The following MAGI1 variants were observed in gnomAD, a reference collection of about 807,000 sequenced individuals.
MAGI1 encodes membrane associated guanylate kinase, WW and PDZ domain containing 1.
In MAGI1, 58 loss-of-function variants were observed where a neutral mutation model predicts 139.9. That is an observed-to-expected ratio of 0.41 (90% CI 0.34 to 0.52). The LOEUF (loss-of-function observed/expected upper bound fraction) is 0.52. MAGI1 is among the 20% of genes least tolerant of loss of function. MAGI1 has a pLI of 0.12. For missense variants in MAGI1, 1,874 were observed against 1,901.6 expected (o/e 0.99, Z 0.27); for synonymous variants, 812 against 737.9 (o/e 1.10, Z -1.63).
chr3:65,648,340 G>A (rs1032431114), intron 1 of MAGI1, among the ~76,000 whole-genome samples: 5 of 151,838 alleles, frequency 3.3e-5, no homozygotes, highest in African/African-American at 9.7e-5. Flanking sequence ...CACACAGACA[G>A]GGTCTCATTA....
At chr3:65,475,779 G>A (rs150088574) in intron 4 of MAGI1, among the ~76,000 whole-genome samples, 140 of 152,084 alleles carry the variant, frequency 9.2e-4, no homozygotes, top group Non-Finnish European at 1.7e-3. Context: ...CTGCAGAAAG[G>A]AGGGGTGGGC....
intron 7 of MAGI1, among the ~76,000 whole-genome samples, chr3:65,445,977 T>C (rs759560126): frequency 1.3e-5 from 2 of 152,172 alleles, no homozygotes; most frequent in Non-Finnish European, 2.9e-5. Context: ...CTGGAGTGAA[T>C]GCAACAGAAA....
intron 1 of MAGI1, among the ~76,000 whole-genome samples, chr3:65,977,506 T>C (rs962524724): frequency 6.6e-6 from 1 of 152,040 alleles, no homozygotes; most frequent in African/African-American, 2.4e-5. Context: ...AGGCCACAAG[T>C]TCACCACCAA....
At chr3:65,831,606 G>GT (rs1452848279) in intron 1 of MAGI1, among the ~76,000 whole-genome samples, 1 of 152,098 alleles carries the variant, frequency 6.6e-6, no homozygotes, top group African/African-American at 2.4e-5. Context: ...TAAAAATGCC[G>GT]TTTTTGAACT....
intron 1 of MAGI1, among the ~76,000 whole-genome samples, chr3:65,702,696 G>T (rs928247679): frequency 6.6e-6 from 1 of 152,010 alleles, no homozygotes; most frequent in African/African-American, 2.4e-5. Context: ...ATTATTTTCT[G>T]TTAGGCCACC....
chr3:65,702,793 C>T (rs2089707690), intron 1 of MAGI1, among the ~76,000 whole-genome samples: 1 of 152,086 alleles, frequency 6.6e-6, no homozygotes, highest in African/African-American at 2.4e-5. Context: ...AGCAGGGACC[C>T]TGTCCATCTT....
intron 1 of MAGI1, among the ~76,000 whole-genome samples, chr3:66,005,763 G>A (rs1032625582): frequency 6.6e-5 from 10 of 152,104 alleles, no homozygotes; most frequent in African/African-American, 2.4e-4. Flanking sequence ...TTTGGTAGAG[G>A]ACAAGAAACA....
intron 1 of MAGI1, among the ~76,000 whole-genome samples, chr3:65,959,677 C>G (rs1405537871): frequency 6.8e-6 from 1 of 147,828 alleles, no homozygotes. Context: ...GTTTCCCAGG[C>G]TGGTCTCAAA....
chr3:65,388,913 G>A (rs894099654), intron 14 of MAGI1, among the ~76,000 whole-genome samples: 1 of 142,054 alleles, frequency 7.0e-6, no homozygotes, highest in Non-Finnish European at 1.5e-5. Flanking sequence ...CATGATCTCG[G>A]CTCACTGCAA....
At chr3:65,987,397 G>C (rs1487387868) in intron 1 of MAGI1, among the ~76,000 whole-genome samples, 1 of 152,174 alleles carries the variant, frequency 6.6e-6, no homozygotes. Flanking sequence ...ACAGACATTT[G>C]TAAGTCAACG....
chr3:65,651,055 C>T (rs146373985), intron 1 of MAGI1, among the ~76,000 whole-genome samples: 1 of 152,270 alleles, frequency 6.6e-6, no homozygotes, highest in East Asian at 1.9e-4. Context: ...ACTCCCCCAA[C>T]CCCACCTAGT....
At chr3:65,920,950 A>G (rs2062148682) in intron 1 of MAGI1, among the ~76,000 whole-genome samples, 1 of 150,956 alleles carries the variant, frequency 6.6e-6, no homozygotes, top group Admixed American at 6.6e-5. Flanking sequence ...AATTGCTTGA[A>G]CCCGGGAAGC....
chr3:65,785,664 T>C (rs1201581150), intron 1 of MAGI1, among the ~76,000 whole-genome samples: 3 of 152,184 alleles, frequency 2.0e-5, no homozygotes, highest in Non-Finnish European at 4.4e-5. Flanking sequence ...TGGAACCATG[T>C]CTAGCATAAT....
chr3:65,466,275 T>C (rs1298504134), intron 5 of MAGI1, among the ~76,000 whole-genome samples: 3 of 152,194 alleles, frequency 2.0e-5, no homozygotes, highest in South Asian at 2.1e-4. Flanking sequence ...CATTTTGATA[T>C]CTTCCTGATT....
intron 1 of MAGI1, among the ~76,000 whole-genome samples, chr3:65,875,240 G>A (rs1276551670): frequency 6.6e-6 from 1 of 152,190 alleles, no homozygotes; most frequent in Admixed American, 6.5e-5. Flanking sequence ...GAACTTGGGG[G>A]TAGGGGAGTG....
intron 2 of MAGI1, among the ~76,000 whole-genome samples, chr3:65,538,565 T>C (rs1344844230): frequency 3.3e-5 from 5 of 152,168 alleles, no homozygotes; most frequent in Non-Finnish European, 7.3e-5. Context: ...CCAAAGCTCT[T>C]AGAAATCTGG....
chr3:65,688,455 A>T (rs1441094090), intron 1 of MAGI1: 1 of 481,698 alleles, frequency 2.1e-6, no homozygotes. Flanking sequence ...GAAAGCATGG[A>T]AACTCAAAAG....
intron 2 of MAGI1, among the ~76,000 whole-genome samples, chr3:65,560,896 T>C (rs535996856): frequency 1.3e-5 from 2 of 152,294 alleles, no homozygotes; most frequent in East Asian, 3.9e-4. Flanking sequence ...GAGAAAGTGA[T>C]TCATAAATTT....
At chr3:65,890,083 CGGCCAGTCGCGGT>C (rs537304601) in intron 1 of MAGI1, among the ~76,000 whole-genome samples, 210 of 151,746 alleles carry the variant, frequency 1.4e-3, no homozygotes, top group Non-Finnish European at 3.1e-4. Flanking sequence ...CATGATATGC[CGGCCAGTCGCGGT>C]GGCTCACGCC....
Sources: gnomAD v4.1 joint callset for allele counts (sites outside exome capture counted in the v4.1 genomes callset) on GRCh38, gnomAD v4.1.1 for gene constraint, MANE v1.5 for transcripts, NCBI Gene and HGNC (gene_info 2026-07-23, HGNC 2026-07-21) for gene names.